CD86: variants seen among roughly 807,000 people sequenced by gnomAD.
The protein encoded by CD86 is CD86 molecule.
CD86 carries 11 observed loss-of-function variants against 32.1 expected under a neutral mutation model. The ratio of observed to expected loss-of-function variants is 0.34; its 90% confidence interval spans 0.22 to 0.57. The LOEUF is 0.57. Ranked by LOEUF, CD86 falls within the 20% of genes least tolerant of loss-of-function variation. CD86 has a pLI of 0.86. For missense variants in CD86, 359 were observed against 398.4 expected, an observed-to-expected ratio of 0.90 and a Z score of 0.84; for synonymous variants, 137 against 135.3, an observed-to-expected ratio of 1.01 and a Z score of -0.09.
At chr3:122,106,577 C>T (rs370703475) in intron 4 of CD86, 77 bp downstream of exon 4, 36 of 1,320,840 alleles carry the variant, frequency 2.7e-5, no homozygotes, top group African/African-American at 1.2e-4. Context: ...CCAATGTCCC[C>T]GACTTGCTAG....
At chr3:122,083,332 C>A (rs1405392622) in intron 1 of CD86, among the ~76,000 whole-genome samples, 1 of 152,172 alleles carries the variant, frequency 6.6e-6, no homozygotes, top group Non-Finnish European at 1.5e-5. Context: ...CCCCTGCTCA[C>A]CTCTTCAGCC....
At chr3:122,068,913 A>C (rs1370393847) in intron 1 of CD86, among the ~76,000 whole-genome samples, 6 of 152,206 alleles carry the variant, frequency 3.9e-5, no homozygotes, top group Non-Finnish European at 5.9e-5. Flanking sequence ...ATGTTTATGC[A>C]GGCACCCTAA....
At position 122,100,308 on chromosome 3, in the gene CD86, C is replaced by CA. The variant is rs373093113; in HGVS notation, c.65-3201dup. Among the ~76,000 whole-genome samples the CA allele has an allele frequency of 3.0e-4, 46 of 152,296 alleles. No individual in the cohort carries two copies. The East Asian group carries it at 6.9e-3, about 23-fold the overall frequency. On this transcript the variant is annotated intron_variant, in intron 2 of 6. Transcript: ENST00000330540. The stretch of plus-strand genomic sequence containing the variant: ...GGGAAGGTGTTGCTCAAAGTCCCCA[C>CA]AAAGTGTGATAAAACAAACAGTAGC...
chr3:122,115,343 T>G (rs994347607), intron 5 of CD86, among the ~76,000 whole-genome samples: 3 of 152,148 alleles, frequency 2.0e-5, no homozygotes, highest in Admixed American at 2.0e-4. Flanking sequence ...ACAATATTAC[T>G]ACTGGAGAAA....
intron 3 of CD86, 105 bp from the exon 4 acceptor site, chr3:122,106,092 AG>A (rs2107541223): frequency 1.3e-6 from 1 of 785,746 alleles, no homozygotes; most frequent in Non-Finnish European, 2.0e-6. Context: ...TGAGGCTCCC[AG>A]GTGTGCCCCA....
chr3:122,112,761 T>A (rs1355022859), intron 5 of CD86, among the ~76,000 whole-genome samples: 2 of 152,226 alleles, frequency 1.3e-5, no homozygotes, highest in Non-Finnish European at 2.9e-5. Flanking sequence ...AAAGGATAAT[T>A]CATTTTGTGT....
At chr3:122,087,970 A>G (rs35919036) in intron 1 of CD86, among the ~76,000 whole-genome samples, 170 of 152,312 alleles carry the variant, frequency 1.1e-3, no homozygotes, top group Non-Finnish European at 1.8e-3. Context: ...CATTTGTCCA[A>G]GATTCCTTAG....
chr3:122,088,322 C>T (rs1055675238), intron 1 of CD86, among the ~76,000 whole-genome samples: 1 of 151,852 alleles, frequency 6.6e-6, no homozygotes, highest in East Asian at 1.9e-4. Flanking sequence ...GTTCCACATA[C>T]TATCTGTACA....
At chr3:122,106,536 G>A in intron 4 of CD86, 36 bp downstream of exon 4, 2 of 1,533,226 alleles carry the variant, frequency 1.3e-6, no homozygotes, top group Non-Finnish European at 1.8e-6. Flanking sequence ...CTTTCAGCAG[G>A]TATTATACAC....
intron 2 of CD86, among the ~76,000 whole-genome samples, chr3:122,097,242 G>A (rs2072921859): frequency 6.6e-6 from 1 of 151,978 alleles, no homozygotes; most frequent in Non-Finnish European, 1.5e-5. Context: ...TACTTATTGA[G>A]TGCTTCATAT....
At chr3:122,113,759 A>G (rs2073209479) in intron 5 of CD86, among the ~76,000 whole-genome samples, 1 of 152,206 alleles carries the variant, frequency 6.6e-6, no homozygotes, top group South Asian at 2.1e-4. Flanking sequence ...AACTCAGTCA[A>G]TTAAGAAATA....
chr3:122,074,983 C>G (rs542964813), intron 1 of CD86, among the ~76,000 whole-genome samples: 8 of 152,086 alleles, frequency 5.3e-5, no homozygotes, highest in African/African-American at 1.9e-4. Context: ...TGGCCCCACT[C>G]CACCCTTGGC....
chr3:122,109,080 G>T (rs1032751541), intron 4 of CD86, among the ~76,000 whole-genome samples, 185 bp from the exon 5 acceptor site: 2 of 152,196 alleles, frequency 1.3e-5, no homozygotes. Context: ...GCATGGGCTC[G>T]ATTCTTAGGT....
chr3:122,089,653 T>C (rs1044985085), intron 1 of CD86, among the ~76,000 whole-genome samples: 3 of 152,246 alleles, frequency 2.0e-5, no homozygotes, highest in Non-Finnish European at 4.4e-5. Flanking sequence ...GAGAACAATT[T>C]GCAACTATTC....
intron 1 of CD86, among the ~76,000 whole-genome samples, chr3:122,062,495 T>C (rs75439175): frequency 0.015 from 2,218 of 152,270 alleles, 59 homozygotes; most frequent in African/African-American, 0.051. Flanking sequence ...TCTCAAGAAT[T>C]TCAGTTTTGT....
chr3:122,093,585 C>A (rs899198998), intron 2 of CD86, among the ~76,000 whole-genome samples: 4 of 152,136 alleles, frequency 2.6e-5, no homozygotes, highest in Non-Finnish European at 5.9e-5. Flanking sequence ...ATTTTTGTAT[C>A]TGAACATATC....
At chr3:122,104,913 G>C (rs183460027) in intron 3 of CD86, among the ~76,000 whole-genome samples, 5 of 152,292 alleles carry the variant, frequency 3.3e-5, no homozygotes, top group African/African-American at 1.2e-4. Context: ...GTGAACATAA[G>C]TTCTCAGTTC....
chr3:122,119,189 G>C (rs1284803232), intron 6 of CD86, among the ~76,000 whole-genome samples: 1 of 152,184 alleles, frequency 6.6e-6, no homozygotes, highest in African/African-American at 2.4e-5. Context: ...GCCTGCAGAG[G>C]GCAGGCAGCA....
chr3:122,065,515 A>C (rs2072400337), intron 1 of CD86, among the ~76,000 whole-genome samples: 1 of 152,216 alleles, frequency 6.6e-6, no homozygotes. Context: ...ACAGTGTGCT[A>C]ATAATCCCAC....
Sources: allele counts gnomAD v4.1 joint callset (sites outside exome capture counted in the v4.1 genomes callset), GRCh38; gene constraint gnomAD v4.1.1; transcripts MANE v1.5; gene names NCBI Gene and HGNC (gene_info 2026-07-23, HGNC 2026-07-21).